The following DRC8 variants were observed in gnomAD, a reference collection of about 807,000 sequenced individuals.
DRC8 encodes the protein dynein regulatory complex subunit 8.
At chr1:245,005,622 C>T in the DRC8 span, among the ~76,000 whole-genome samples, 4 of 152,172 alleles carry the variant, frequency 2.6e-5, no homozygotes, top group Admixed American at 6.5e-5. Flanking sequence ...GGATTACAGG[C>T]GTGAGCCACT....
At chr1:245,084,515 C>T in the DRC8 span, among the ~76,000 whole-genome samples, 1 of 152,154 alleles carries the variant, frequency 6.6e-6, no homozygotes, top group African/African-American at 2.4e-5. Flanking sequence ...TATGCATACA[C>T]ACACATAAAA....
chr1:244,983,951 A>G, the DRC8 span, among the ~76,000 whole-genome samples: 1 of 151,578 alleles, frequency 6.6e-6, no homozygotes, highest in Non-Finnish European at 1.5e-5. Context: ...CCCACTTTGG[A>G]AAAATTTCTT....
chr1:244,976,172 G>A, the DRC8 span, among the ~76,000 whole-genome samples: 21 of 152,108 alleles, frequency 1.4e-4, no homozygotes, highest in African/African-American at 4.8e-4. Flanking sequence ...TAGAGGTTGA[G>A]GCAGGAGAAT....
At chr1:245,078,113 A>G in the DRC8 span, among the ~76,000 whole-genome samples, 1 of 152,210 alleles carries the variant, frequency 6.6e-6, no homozygotes, top group African/African-American at 2.4e-5. Context: ...ATCATTGTTC[A>G]TCAAGGAAAT....
the DRC8 span, among the ~76,000 whole-genome samples, chr1:245,025,072 A>C: frequency 1.3e-5 from 2 of 152,112 alleles, no homozygotes; most frequent in Non-Finnish European, 2.9e-5. Context: ...TAGTCAAATT[A>C]CACACCTTTG....
chr1:244,999,104 G>A, the DRC8 span, among the ~76,000 whole-genome samples: 5 of 150,818 alleles, frequency 3.3e-5, no homozygotes, highest in Non-Finnish European at 5.9e-5. Context: ...AGAGGAAGGG[G>A]AGGGGAAGAA....
chr1:244,973,425 G>A, the DRC8 span, among the ~76,000 whole-genome samples: 1 of 152,190 alleles, frequency 6.6e-6, no homozygotes, highest in African/African-American at 2.4e-5. Flanking sequence ...TGCTTGGAAC[G>A]TGGTAGGTAA....
the DRC8 span, chr1:245,124,315 C>T: frequency 3.3e-5 from 5 of 152,270 alleles, no homozygotes; most frequent in Admixed American, 2.0e-4. Flanking sequence ...AGGCTCTTCT[C>T]ATGGTATGAG....
chr1:244,984,333 T>C, the DRC8 span, among the ~76,000 whole-genome samples: 2 of 152,166 alleles, frequency 1.3e-5, no homozygotes, highest in African/African-American at 4.8e-5. Context: ...ATTTGCTTAT[T>C]GTCTCTCTAT....
the DRC8 span, among the ~76,000 whole-genome samples, chr1:244,986,860 G>A: frequency 1.3e-5 from 2 of 152,114 alleles, no homozygotes; most frequent in Non-Finnish European, 2.9e-5. Context: ...TGGCAGAGAA[G>A]GTTTGAGAGT....
chr1:245,033,273 C>T, the DRC8 span, among the ~76,000 whole-genome samples: 1 of 152,210 alleles, frequency 6.6e-6, no homozygotes, highest in African/African-American at 2.4e-5. Context: ...GCCTTAGCCA[C>T]ACCCTGGCAA....
At chr1:245,021,601 A>C in the DRC8 span, among the ~76,000 whole-genome samples, 2 of 151,860 alleles carry the variant, frequency 1.3e-5, no homozygotes, top group African/African-American at 4.8e-5. Flanking sequence ...ACGCCCATCT[A>C]ATTTTTGTAT....
At chr1:245,067,153 G>A in the DRC8 span, among the ~76,000 whole-genome samples, 1 of 152,016 alleles carries the variant, frequency 6.6e-6, no homozygotes, top group Admixed American at 6.6e-5. Context: ...TTCAGACAGA[G>A]TCTCACTTTG....
the DRC8 span, chr1:245,122,088 G>A: frequency 7.0e-3 from 1,785 of 255,308 alleles, 16 homozygotes; most frequent in South Asian, 9.4e-3. Context: ...TAGTAGAGAC[G>A]GGGTTTCACC....
chr1:244,977,429 A>G, the DRC8 span, among the ~76,000 whole-genome samples: 2 of 152,212 alleles, frequency 1.3e-5, no homozygotes, highest in Non-Finnish European at 2.9e-5. Flanking sequence ...TCACATCTGT[A>G]AACTCAGCAC....
the DRC8 span, among the ~76,000 whole-genome samples, chr1:245,088,163 A>G: frequency 6.6e-6 from 1 of 152,332 alleles, no homozygotes; most frequent in East Asian, 1.9e-4. The surrounding 1 kb of genome is among the most constrained non-coding windows in gnomAD (Gnocchi z 4.6). Flanking sequence ...GTCACAATGG[A>G]AAAATATATG....
the DRC8 span, among the ~76,000 whole-genome samples, chr1:245,008,307 A>T: frequency 3.9e-5 from 6 of 152,206 alleles, no homozygotes; most frequent in African/African-American, 1.4e-4. Flanking sequence ...ATGTTAAAAA[A>T]TTTTGTTATG....
the DRC8 span, among the ~76,000 whole-genome samples, chr1:245,009,470 ATTTT>A: frequency 7.2e-6 from 1 of 139,702 alleles, no homozygotes. Flanking sequence ...AATCCAAACG[ATTTT>A]TTTTTTTTTT....
chr1:245,119,454 G>T, the DRC8 span, among the ~76,000 whole-genome samples: 2 of 151,170 alleles, frequency 1.3e-5, no homozygotes, highest in East Asian at 2.0e-4. Flanking sequence ...CAGGAGGCCA[G>T]GAGTTGGAGA....
Sources: allele counts gnomAD v4.1 joint callset (sites outside exome capture counted in the v4.1 genomes callset), GRCh38; gene constraint gnomAD v4.1.1; non-coding constraint Gnocchi (gnomAD v3.1); transcripts MANE v1.5; gene names NCBI Gene and HGNC (gene_info 2026-07-23, HGNC 2026-07-21).